The following CYP2J2 variants were observed in gnomAD, a reference collection of about 807,000 sequenced individuals.
CYP2J2 encodes the protein cytochrome P450 2J2.
Under a neutral mutation model 48.8 loss-of-function variants are expected in CYP2J2, and 41 were observed. That is an observed-to-expected ratio of 0.84 (90% CI 0.66 to 1.09). CYP2J2 has a LOEUF of 1.09. CYP2J2 is among the 50% of genes least tolerant of loss of function. The probability of loss-of-function intolerance (pLI) is 0.00; values close to 1 mark genes in which losing one functional copy is unlikely to be tolerated. For synonymous variants in CYP2J2, 221 were observed against 227.1 expected (o/e 0.97, Z 0.24); for missense variants, 644 against 617.3 (o/e 1.04, Z -0.46).
At chr1:59,929,367 G>T (rs1206897773), upstream of CYP2J2, among the ~76,000 whole-genome samples, 7 of 152,162 alleles carry the variant, frequency 4.6e-5, no homozygotes, top group Admixed American at 4.6e-4. Flanking sequence ...GATAAGACAT[G>T]CAAAGAAGCA....
chr1:59,909,939 T>C lies in CYP2J2; in HGVS notation c.706A>G (p.Ile236Val). ...TCQLYNVFPW[I>V]MKFLPGPHQT... ...TGGGGTCCAGGCAGGAATTTCATTA[T>C]CCATGGAAAGACATTGTAGAGCTAA... The change falls in exon 5 of 9, where the codon ATA becomes GTA. Residue 236 changes from isoleucine (I) to valine (V), a missense_variant. By Grantham distance (29) the Ile-to-Val change is conservative. Transcript: ENST00000371204. The C allele has an allele frequency of 6.2e-7, 1 of 1,609,090 alleles. No individual in the cohort carries two copies. Among genetic ancestry groups the C allele is most frequent in the South Asian group, 1.1e-5 (1 of 89,616 alleles).
At chr1:59,955,283 T>TATATATATCC in the CYP2J2 span, among the ~76,000 whole-genome samples, 130 of 107,450 alleles carry the variant, frequency 1.2e-3, no homozygotes, top group Admixed American at 2.3e-3. Flanking sequence ...TATATCCATA[T>TATATATATCC]ATATATATCC....
chr1:59,961,123 A>ATTT, the CYP2J2 span, among the ~76,000 whole-genome samples: 1 of 152,206 alleles, frequency 6.6e-6, no homozygotes, highest in Non-Finnish European at 1.5e-5. Flanking sequence ...AAGCAATAAA[A>ATTT]TAAAACATGA....
At chr1:59,937,107 C>T in the CYP2J2 span, among the ~76,000 whole-genome samples, 1 of 152,180 alleles carries the variant, frequency 6.6e-6, no homozygotes, top group Non-Finnish European at 1.5e-5. Context: ...TGGTTCTGTT[C>T]CACGAACCCT....
rs148483140 is a variant in CYP2J2, at chr1:59,893,783, A to G, written c.1377T>C (p.Phe459=). ...TTTGCATAAGGGAAGTGAAGAAAAT[A>G]AACAGCTCAGTCCTGGCCAACTGTT... ...LGEQLARTEL[F]IFFTSLMQKF... The change falls in exon 9 of 9, where the codon TTT becomes TTC. Residue 459 remains phenylalanine (F), a synonymous_variant. Coordinates refer to ENST00000371204, the MANE Select transcript of CYP2J2 (RefSeq NM_000775.4). The G allele has an allele frequency of 3.1e-6, 5 of 1,613,290 alleles. No homozygotes were observed. The African/African-American group carries it at 6.7e-5, about 22-fold the overall frequency.
In CYP2J2 at chr1:59,916,163, A is replaced by G. The variant is rs183257634; in HGVS notation, c.211-63T>C. The G allele has an allele frequency of 1.7e-4, 240 of 1,430,622 alleles. No individual in the cohort carries two copies. The East Asian group carries it at 5.4e-3, about 32-fold the overall frequency. 88.6% of individuals were successfully genotyped at this position (1,430,622 alleles called of 1,614,324 possible). A position where few individuals can be genotyped will look rare whatever the true frequency, so the allele number is the denominator to read the frequency against. ...ATGTCCATGTGTTCAGAAATGGAGG[A>G]TGTGTGTAGCTGGAGGGGATCATAT... On this transcript the variant is annotated intron_variant, in intron 1 of 8. Transcript: ENST00000371204.
At chr1:59,934,759 G>A in the CYP2J2 span, among the ~76,000 whole-genome samples, 29 of 151,688 alleles carry the variant, frequency 1.9e-4, no homozygotes, top group South Asian at 2.9e-3. Flanking sequence ...CTGTTGGTGG[G>A]AATGCAAACT....
chr1:59,904,793 A>C (rs1644350874), intron 7 of CYP2J2, 78 bp downstream of exon 7: 2 of 1,243,418 alleles, frequency 1.6e-6, no homozygotes, highest in African/African-American at 3.0e-5. Context: ...ATGATTCCTT[A>C]GGACAAGAAT....
At chr1:59,935,693 G>A in the CYP2J2 span, among the ~76,000 whole-genome samples, 1 of 152,172 alleles carries the variant, frequency 6.6e-6, no homozygotes, top group Non-Finnish European at 1.5e-5. Flanking sequence ...GTAAATAAGT[G>A]AAGAGATATT....
At chr1:59,916,204 T>C (rs530026666) in intron 1 of CYP2J2, 104 bp from the exon 2 acceptor site, 46 of 889,464 alleles carry the variant, frequency 5.2e-5, no homozygotes, top group South Asian at 4.2e-4. Flanking sequence ...GGAGTGCGTG[T>C]GTCTGTGTCT....
At chr1:59,931,223 T>G (rs962828363), upstream of CYP2J2, among the ~76,000 whole-genome samples, 2 of 152,050 alleles carry the variant, frequency 1.3e-5, no homozygotes, top group African/African-American at 2.4e-5. Flanking sequence ...AGTAGGAAAA[T>G]TTAAACTTTA....
At chr1:59,900,350 G>A (rs972166918) in intron 8 of CYP2J2, among the ~76,000 whole-genome samples, 7 of 152,192 alleles carry the variant, frequency 4.6e-5, no homozygotes, top group African/African-American at 9.6e-5. Flanking sequence ...GCACCCGACC[G>A]GGTGTGGTGG....
the CYP2J2 span, among the ~76,000 whole-genome samples, chr1:59,957,340 A>C: frequency 2.7e-5 from 4 of 148,010 alleles, no homozygotes; most frequent in African/African-American, 7.4e-5. Flanking sequence ...GCTACCAAGG[A>C]AGGTGGGGGT....
intron 2 of CYP2J2, among the ~76,000 whole-genome samples, chr1:59,914,126 C>T (rs185139251): frequency 5.9e-5 from 9 of 152,300 alleles, no homozygotes; most frequent in African/African-American, 1.9e-4. Context: ...TTAATAAGTA[C>T]ATCCTGAACT....
the CYP2J2 span, among the ~76,000 whole-genome samples, chr1:59,963,720 G>T: frequency 6.6e-6 from 1 of 152,124 alleles, no homozygotes; most frequent in Non-Finnish European, 1.5e-5. Context: ...ATGAAATTGG[G>T]AGTCAGGCGG....
chr1:59,936,608 G>A, the CYP2J2 span, among the ~76,000 whole-genome samples: 1 of 152,046 alleles, frequency 6.6e-6, no homozygotes, highest in African/African-American at 2.4e-5. Flanking sequence ...CTTCAATTTA[G>A]GTCCTACTTC....
At chr1:59,916,874 T>TAATCTGG (rs1464253984) in intron 1 of CYP2J2, among the ~76,000 whole-genome samples, 1 of 152,114 alleles carries the variant, frequency 6.6e-6, no homozygotes, top group Non-Finnish European at 1.5e-5. Flanking sequence ...TGATTAGTGT[T>TAATCTGG]AATCTGGTGT....
chr1:59,926,980 G>A (rs1417292669), upstream of CYP2J2, among the ~76,000 whole-genome samples: 1 of 152,224 alleles, frequency 6.6e-6, no homozygotes, highest in Non-Finnish European at 1.5e-5. Flanking sequence ...TACTGAGAGC[G>A]CCACAGACAT....
chr1:59,942,865 GCA>G, the CYP2J2 span, among the ~76,000 whole-genome samples: 1 of 152,120 alleles, frequency 6.6e-6, no homozygotes, highest in Non-Finnish European at 1.5e-5. Context: ...TATGTGCTGG[GCA>G]CAGAGTAACT....
Sources: allele counts gnomAD v4.1 joint callset (sites outside exome capture counted in the v4.1 genomes callset), GRCh38; gene constraint gnomAD v4.1.1; transcripts MANE v1.5; gene names NCBI Gene and HGNC (gene_info 2026-07-23, HGNC 2026-07-21).